TMEM131L: variants seen among roughly 807,000 people sequenced by gnomAD.
TMEM131L encodes the protein transmembrane protein 131-like.
TMEM131L carries 54 observed loss-of-function variants against 192.2 expected under a neutral mutation model. That is an observed-to-expected ratio of 0.28 (90% CI 0.23 to 0.35). TMEM131L has a LOEUF of 0.35. TMEM131L is among the 10% of genes least tolerant of loss of function. The pLI is 1.00. For missense variants in TMEM131L, 1,888 were observed against 1,972.9 expected (o/e 0.96, Z 0.82); for synonymous variants, 701 against 704.9 (o/e 0.99, Z 0.09).
At chr4:153,627,392 T>C (rs17279448) in intron 30 of TMEM131L, among the ~76,000 whole-genome samples, 7,919 of 152,282 alleles carry the variant, frequency 0.052, 289 homozygotes, top group Non-Finnish European at 0.08. Context: ...TTGTTGGTTA[T>C]GACAAGACTT....
At chr4:153,574,564 A>G (rs1228338814) in intron 7 of TMEM131L, among the ~76,000 whole-genome samples, 2 of 152,224 alleles carry the variant, frequency 1.3e-5, no homozygotes, top group Non-Finnish European at 2.9e-5. Context: ...TGGCTTATAC[A>G]GAATCAGTGT....
intron 3 of TMEM131L, among the ~76,000 whole-genome samples, chr4:153,528,632 T>C (rs779005237): frequency 2.0e-4 from 31 of 152,222 alleles, no homozygotes; most frequent in Non-Finnish European, 3.1e-4. Context: ...TAACAGAACC[T>C]GGTCTCTTAT....
chr4:153,541,276 A>G (rs1736757372), intron 3 of TMEM131L, among the ~76,000 whole-genome samples: 1 of 152,238 alleles, frequency 6.6e-6, no homozygotes, highest in Non-Finnish European at 1.5e-5. Flanking sequence ...GTAGATCTTT[A>G]TAGTATGTGG....
intron 3 of TMEM131L, among the ~76,000 whole-genome samples, chr4:153,541,320 T>A (rs1736760609): frequency 6.6e-6 from 1 of 152,226 alleles, no homozygotes; most frequent in African/African-American, 2.4e-5. Context: ...AATATAATAA[T>A]GTATTTTAAA....
intron 3 of TMEM131L, among the ~76,000 whole-genome samples, chr4:153,518,255 A>C (rs555916095): frequency 6.6e-6 from 1 of 152,226 alleles, no homozygotes; most frequent in Non-Finnish European, 1.5e-5. Context: ...ACACTTGCAC[A>C]TTAAAAACTC....
At chr4:153,604,758 G>A (rs529461896) in intron 25 of TMEM131L, among the ~76,000 whole-genome samples, 12 of 152,298 alleles carry the variant, frequency 7.9e-5, no homozygotes, top group Admixed American at 7.2e-4. Flanking sequence ...AGGCTAGAGT[G>A]CAGTGGTGTG....
intron 27 of TMEM131L, 147 bp downstream of exon 27, chr4:153,621,027 A>T: frequency 1.7e-6 from 1 of 574,216 alleles, no homozygotes; most frequent in South Asian, 2.3e-5. Context: ...ATTAAAATAC[A>T]TTTGTAAAAT....
At chr4:153,500,223 C>G (rs149031911) in intron 3 of TMEM131L, among the ~76,000 whole-genome samples, 12 of 152,256 alleles carry the variant, frequency 7.9e-5, no homozygotes, top group African/African-American at 2.6e-4. Context: ...GCCTCAGCCT[C>G]CCATATAGCT....
intron 3 of TMEM131L, among the ~76,000 whole-genome samples, chr4:153,488,162 T>TGA (rs149590325): frequency 6.4e-5 from 9 of 140,336 alleles, no homozygotes; most frequent in Non-Finnish European, 9.3e-5. Context: ...GAGTTTTGTG[T>TGA]GAGAGAGAGA....
chr4:153,553,062 A>C (rs985501408), intron 4 of TMEM131L, among the ~76,000 whole-genome samples: 1 of 152,086 alleles, frequency 6.6e-6, no homozygotes, highest in Non-Finnish European at 1.5e-5. Flanking sequence ...CTCTGGTCCT[A>C]ATAGTCGCAT....
chr4:153,516,438 C>T (rs993159922), intron 3 of TMEM131L, among the ~76,000 whole-genome samples: 2 of 152,134 alleles, frequency 1.3e-5, no homozygotes, highest in African/African-American at 4.8e-5. Flanking sequence ...CCATATTACC[C>T]AGGCTCGTCT....
chr4:153,525,393 G>A (rs1035901447), intron 3 of TMEM131L, among the ~76,000 whole-genome samples: 1 of 152,048 alleles, frequency 6.6e-6, no homozygotes, highest in Non-Finnish European at 1.5e-5. Context: ...AGGCTGGAGT[G>A]CAGTGGCGCT....
At chr4:153,560,761 T>C (rs1728793995) in intron 7 of TMEM131L, among the ~76,000 whole-genome samples, 1 of 152,262 alleles carries the variant, frequency 6.6e-6, no homozygotes, top group Admixed American at 6.5e-5. Context: ...ATACACATTG[T>C]AGGATATGCC....
At chr4:153,601,490 A>G (rs919426454) in intron 21 of TMEM131L, among the ~76,000 whole-genome samples, 5 of 151,910 alleles carry the variant, frequency 3.3e-5, no homozygotes, top group East Asian at 1.9e-4. Context: ...TCTCACCACT[A>G]TACTCCAGCC....
intron 3 of TMEM131L, among the ~76,000 whole-genome samples, chr4:153,497,227 C>T (rs376188932): frequency 5.3e-5 from 8 of 152,038 alleles, no homozygotes; most frequent in African/African-American, 1.2e-4. Flanking sequence ...GAAGGATGCC[C>T]GTGAGTGTGT....
At chr4:153,586,417 T>A in intron 14 of TMEM131L, 38 bp downstream of exon 14, 1 of 1,448,056 alleles carries the variant, frequency 6.9e-7, no homozygotes, top group Non-Finnish European at 9.3e-7. Context: ...TACAGTTTTC[T>A]TAATTACTGT....
At chr4:153,585,394 T>C in intron 12 of TMEM131L, 64 bp from the exon 13 acceptor site, 1 of 1,506,230 alleles carries the variant, frequency 6.6e-7, no homozygotes, top group African/African-American at 1.4e-5. Flanking sequence ...AATTAGAGGC[T>C]CATAAGAGGG....
chr4:153,562,142 A>G (rs1184582929), intron 7 of TMEM131L, among the ~76,000 whole-genome samples: 3 of 151,922 alleles, frequency 2.0e-5, no homozygotes, highest in Non-Finnish European at 4.4e-5. Flanking sequence ...GGTTCAAGCA[A>G]TTCTGCTGCC....
chr4:153,634,760 G>A (rs1222635884), intron 33 of TMEM131L, among the ~76,000 whole-genome samples: 1 of 152,204 alleles, frequency 6.6e-6, no homozygotes, highest in East Asian at 1.9e-4. Flanking sequence ...AATTGCAGAT[G>A]CTTGGGCTCA....
Sources: allele counts gnomAD v4.1 joint callset (sites outside exome capture counted in the v4.1 genomes callset), GRCh38; gene constraint gnomAD v4.1.1; transcripts MANE v1.5; gene names NCBI Gene and HGNC (gene_info 2026-07-23, HGNC 2026-07-21).